Variants in SNTG2 observed in about 807,000 individuals in gnomAD.
SNTG2 encodes the protein syntrophin gamma 2, also known as gamma-2-syntrophin.
In SNTG2, 74 loss-of-function variants were observed where a neutral mutation model predicts 70.9. The observed-to-expected ratio is 1.04, with a 90% CI of 0.86 to 1.27. The LOEUF is 1.27. SNTG2 is among the 50% of genes most tolerant of loss of function. The pLI, the probability that SNTG2 is intolerant of heterozygous loss-of-function variation, is 0.00. For missense variants in SNTG2, 717 were observed against 690.7 expected, an observed-to-expected ratio of 1.04 and a Z score of -0.43; for synonymous variants, 278 against 273.8, an observed-to-expected ratio of 1.02 and a Z score of -0.15.
At chr2:1,334,684 C>T (rs1046069485) in intron 16 of SNTG2, among the ~76,000 whole-genome samples, 3 of 152,130 alleles carry the variant, frequency 2.0e-5, no homozygotes, top group Non-Finnish European at 4.4e-5. Context: ...AGTGAAGTAA[C>T]TCAGGAATGG....
At chr2:1,096,829 G>T (rs1180496637) in intron 2 of SNTG2, among the ~76,000 whole-genome samples, 1 of 152,184 alleles carries the variant, frequency 6.6e-6, no homozygotes, top group Non-Finnish European at 1.5e-5. Context: ...TCACTGGGAA[G>T]CATCTGTGGC....
rs941526805 is a variant in SNTG2 at position 1,268,645 on chromosome 2, A to G, written c.1284+1074A>G. ...ATTTGAAGCATCCAATTCATTAACC[A>G]TTATAGAACATTACATGCTGGAAAG... On this transcript the variant is annotated intron_variant, in intron 14 of 16. Transcript: ENST00000308624. Among the ~76,000 whole-genome samples the G allele has an allele frequency of 4.6e-5, 7 of 152,240 alleles. No individual in the cohort carries two copies. The South Asian group carries it at 1.0e-3, about 22-fold the overall frequency.
chr2:1,130,623 T>A (rs1321154695), intron 4 of SNTG2, among the ~76,000 whole-genome samples: 1 of 152,192 alleles, frequency 6.6e-6, no homozygotes, highest in East Asian at 1.9e-4. Flanking sequence ...CTGCAAACAT[T>A]TTATTTTATT....
chr2:1,175,980 C>G lies in SNTG2; in HGVS notation c.591+2797C>G, dbSNP rs775789112. Among the ~76,000 whole-genome samples, 4 of 152,204 alleles carry G rather than the reference C, an allele frequency of 2.6e-5. No homozygotes were observed. In the East Asian group the frequency reaches 5.8e-4, roughly 22 times the overall value. On this transcript the variant is annotated intron_variant, in intron 8 of 16. Coordinates refer to ENST00000308624, the MANE Select transcript of SNTG2 (RefSeq NM_018968.4). Reference sequence around the variant, plus strand: ...CCTGGTTCTCCCAGCTCTCCTGGTTCTTCAGGCTTTGGTGGATGTGATCCT... The same window carrying G: ...CCTGGTTCTCCCAGCTCTCCTGGTTGTTCAGGCTTTGGTGGATGTGATCCT...
intron 1 of SNTG2, among the ~76,000 whole-genome samples, chr2:993,060 T>C (rs1396242355): frequency 2.3e-5 from 3 of 127,674 alleles, no homozygotes; most frequent in Admixed American, 1.8e-4. Flanking sequence ...CAGTTGGTCT[T>C]TTGTGGGTTC....
intron 4 of SNTG2, among the ~76,000 whole-genome samples, chr2:1,131,956 C>T (rs892962747): frequency 2.0e-5 from 3 of 152,102 alleles, no homozygotes; most frequent in African/African-American, 7.2e-5. Flanking sequence ...GGCCACTAAT[C>T]CTTTTTCTTT....
intron 1 of SNTG2, among the ~76,000 whole-genome samples, chr2:1,076,409 C>T (rs946012725): frequency 6.6e-6 from 1 of 152,124 alleles, no homozygotes; most frequent in Admixed American, 6.5e-5. Flanking sequence ...TCTCTCAATG[C>T]CAGCGATTCA....
At chr2:951,177 C>T (rs1182897413) in intron 1 of SNTG2, 109 bp downstream of exon 1, 3 of 509,530 alleles carry the variant, frequency 5.9e-6, no homozygotes, top group East Asian at 3.6e-5. Context: ...CCCCGCGACC[C>T]CTTCCCTGTC....
chr2:972,359 G>A (rs533594550), intron 1 of SNTG2, among the ~76,000 whole-genome samples: 12 of 152,294 alleles, frequency 7.9e-5, no homozygotes, highest in Non-Finnish European at 1.3e-4. Context: ...TCTCCTTGAT[G>A]TGAACCCTTT....
At chr2:1,119,108 A>G (rs1667221468) in intron 4 of SNTG2, among the ~76,000 whole-genome samples, 3 of 152,236 alleles carry the variant, frequency 2.0e-5, no homozygotes, top group African/African-American at 7.2e-5. Context: ...GCCAGGAAAG[A>G]ATAGTATGAT....
At chr2:1,313,023 G>A (rs948842318) in intron 15 of SNTG2, among the ~76,000 whole-genome samples, 3 of 152,118 alleles carry the variant, frequency 2.0e-5, no homozygotes, top group African/African-American at 7.2e-5. Flanking sequence ...GAGTTGCCTG[G>A]TACTGCCTGT....
intron 14 of SNTG2, among the ~76,000 whole-genome samples, chr2:1,271,780 G>T (rs36190953): frequency 0.093 from 14,086 of 151,964 alleles, 716 homozygotes; most frequent in South Asian, 0.15. Context: ...TGCCAGCCTA[G>T]GTCATGAGCC....
At chr2:1,232,870 TACACACACATGCACAC>T (rs1382555350) in intron 9 of SNTG2, among the ~76,000 whole-genome samples, 1 of 152,132 alleles carries the variant, frequency 6.6e-6, no homozygotes, top group Non-Finnish European at 1.5e-5. Context: ...TGAGCTAAAA[TACACACACATGCACAC>T]ACACACACAT....
intron 1 of SNTG2, among the ~76,000 whole-genome samples, chr2:1,074,230 C>G (rs774424068): frequency 2.6e-5 from 4 of 152,222 alleles, no homozygotes; most frequent in Non-Finnish European, 5.9e-5. Flanking sequence ...GGGGAATGCT[C>G]AGACATGCCC....
At chr2:1,297,587 C>T (rs536655863) in intron 14 of SNTG2, among the ~76,000 whole-genome samples, 39 of 151,276 alleles carry the variant, frequency 2.6e-4, no homozygotes, top group African/African-American at 9.6e-4. Flanking sequence ...TCCTTCCCAG[C>T]GGCCCAGCCC....
At chr2:987,237 A>G (rs986949576) in intron 1 of SNTG2, among the ~76,000 whole-genome samples, 7 of 152,154 alleles carry the variant, frequency 4.6e-5, no homozygotes, top group African/African-American at 1.7e-4. Flanking sequence ...CAGGACTGAG[A>G]AGGAGAGGTG....
chr2:1,277,270 A>T (rs1679305976), intron 14 of SNTG2, among the ~76,000 whole-genome samples: 1 of 152,214 alleles, frequency 6.6e-6, no homozygotes, highest in Non-Finnish European at 1.5e-5. Flanking sequence ...TGAAAAGAAG[A>T]GTAAATCGAT....
At chr2:1,043,262 G>A (rs573658797) in intron 1 of SNTG2, among the ~76,000 whole-genome samples, 1 of 151,874 alleles carries the variant, frequency 6.6e-6, no homozygotes, top group Non-Finnish European at 1.5e-5. Context: ...CTATAATGGG[G>A]TTGTTTGTTT....
chr2:1,035,808 TTTTTA>T (rs1313159105), intron 1 of SNTG2, among the ~76,000 whole-genome samples: 1 of 152,210 alleles, frequency 6.6e-6, no homozygotes, highest in Non-Finnish European at 1.5e-5. Context: ...TGTGTTTTTG[TTTTTA>T]TTTTGTCTGC....
Sources: allele counts gnomAD v4.1 joint callset (sites outside exome capture counted in the v4.1 genomes callset), GRCh38; gene constraint gnomAD v4.1.1; transcripts MANE v1.5; gene names NCBI Gene and HGNC (gene_info 2026-07-23, HGNC 2026-07-21).